FGF10: variants seen among roughly 807,000 people sequenced by gnomAD.
The protein encoded by FGF10 is FGF-10.
FGF10 carries 2 observed loss-of-function variants against 19.8 expected under a neutral mutation model. The ratio of observed to expected loss-of-function variants is 0.10; its 90% CI spans 0.04 to 0.32. FGF10 has a LOEUF of 0.32. Among genes scored for constraint, FGF10 ranks in the 10% least tolerant of loss-of-function variants. The probability of loss-of-function intolerance (pLI) is 1.00; values close to 1 mark genes in which losing one functional copy is unlikely to be tolerated. For missense variants in FGF10, 191 were observed against 246.3 expected (o/e 0.78, Z 1.50); for synonymous variants, 112 against 94.0 (o/e 1.19, Z -1.10).
chr5:44,377,705 A>C (rs1741896877), intron 1 of FGF10, among the ~76,000 whole-genome samples: 1 of 152,236 alleles, frequency 6.6e-6, no homozygotes. Flanking sequence ...GCTTGGGATC[A>C]GAAAGGTTTC....
At position 44,357,601 on chromosome 5, in the gene FGF10, A is replaced by G. The variant is rs1385550039; in HGVS notation, c.325+30757T>C. Among the ~76,000 whole-genome samples the G allele has an allele frequency of 2.6e-5, 4 of 151,414 alleles. No individual in the cohort carries two copies. In the East Asian group the frequency reaches 7.8e-4, roughly 29 times the overall value. On this transcript the variant is annotated intron_variant, in intron 1 of 2. Transcript: ENST00000264664. ...GCACATGAGGCTCAATAACTTGTCT[A>G]CGGTCACATACCTCTTAAGTGGTGA...
chr5:44,312,140 A>T (rs1048563469), intron 1 of FGF10, among the ~76,000 whole-genome samples: 6 of 151,896 alleles, frequency 4.0e-5, no homozygotes, highest in Non-Finnish European at 1.5e-5. Context: ...GATGAAGGAG[A>T]CATTATTTGT....
rs889816836 is a variant in FGF10 at position 44,388,814 on chromosome 5, C to T, written c.-132G>A. On this transcript the variant is annotated 5_prime_UTR_variant, in exon 1 of 3. Coordinates refer to ENST00000264664, the MANE Select transcript of FGF10 (RefSeq NM_004465.2). ...TAGCTCCCTCTGGGCGCGGATCTGGCCAGAAGTGAATGCACCAACATCCAT... is the reference window on the plus strand; with the variant it reads ...TAGCTCCCTCTGGGCGCGGATCTGGTCAGAAGTGAATGCACCAACATCCAT... The T allele has an allele frequency of 1.1e-6, 1 of 890,696 alleles. No individual in the cohort carries two copies. Among genetic ancestry groups the T allele is most frequent in the African/African-American group, 1.7e-5 (1 of 60,432 alleles). The allele number at this position is 890,696 out of a possible 1,614,324, so 55.2% of individuals were successfully genotyped here.
At chr5:44,358,668 T>A (rs1451881187) in intron 1 of FGF10, among the ~76,000 whole-genome samples, 1 of 151,376 alleles carries the variant, frequency 6.6e-6, no homozygotes, top group Non-Finnish European at 1.5e-5. Context: ...TCACCAATAA[T>A]CCACAGCCCA....
chr5:44,382,306 A>T (rs977760324), intron 1 of FGF10, among the ~76,000 whole-genome samples: 1 of 152,162 alleles, frequency 6.6e-6, no homozygotes, highest in Non-Finnish European at 1.5e-5. Context: ...GGGAGCCTTT[A>T]AGGTCATTAT....
rs1739975964 is a variant in FGF10 at position 44,302,066 on chromosome 5, A to G, written c.*2929T>C. ...TACTCCTACAGAGGCAGATCTCTCA[A>G]TAGCTCCAATTTTTTTTTTTTTCAA... On this transcript the variant is annotated 3_prime_UTR_variant, in exon 3 of 3. Coordinates refer to ENST00000264664, the MANE Select transcript of FGF10 (RefSeq NM_004465.2). Among the ~76,000 whole-genome samples, 1 of 151,546 alleles carries G rather than the reference A, an allele frequency of 6.6e-6. No homozygotes were observed. Among genetic ancestry groups the G allele is most frequent in the Admixed American group, 6.6e-5 (1 of 15,214 alleles).
intron 1 of FGF10, among the ~76,000 whole-genome samples, chr5:44,360,039 C>T (rs1177288101): frequency 1.3e-5 from 2 of 151,428 alleles, no homozygotes; most frequent in African/African-American, 4.8e-5. Context: ...TCAAATCATC[C>T]CCATCCTGAC....
At chr5:44,316,886 G>A (rs912443094) in intron 1 of FGF10, among the ~76,000 whole-genome samples, 1 of 152,126 alleles carries the variant, frequency 6.6e-6, no homozygotes, top group Admixed American at 6.6e-5. Context: ...AAACTTAAGT[G>A]CCTTCAACTA....
intron 1 of FGF10, among the ~76,000 whole-genome samples, chr5:44,313,119 T>C (rs1291769262): frequency 6.6e-6 from 1 of 152,084 alleles, no homozygotes; most frequent in Non-Finnish European, 1.5e-5. Context: ...TTAGTTATTG[T>C]TTCAAAATAG....
In FGF10 at chr5:44,388,893, C is replaced by G. The variant is rs1039114392; in HGVS notation, c.-211G>C. 2.5e-5 allele frequency: 16 copies of G among 633,500 alleles called. No homozygotes were observed. In the Admixed American group the frequency reaches 2.5e-4, roughly 10 times the overall value. 39.2% of individuals were successfully genotyped at this position (633,500 alleles called of 1,614,324 possible). ...CTCGCTCCTTTCTCGGATCCGCTGC[C>G]TACGCCTCTGGAGCCTCCCGGTAAA... On this transcript the variant is annotated 5_prime_UTR_variant, in exon 1 of 3. Coordinates refer to ENST00000264664, the MANE Select transcript of FGF10 (RefSeq NM_004465.2).
rs575245158 is a variant in FGF10 at position 44,357,596 on chromosome 5, T to C, written c.325+30762A>G. On this transcript the variant is annotated intron_variant, in intron 1 of 2. Coordinates refer to ENST00000264664, the MANE Select transcript of FGF10 (RefSeq NM_004465.2). ...AATAGGCACATGAGGCTCAATAACT[T>C]GTCTACGGTCACATACCTCTTAAGT... Among the ~76,000 whole-genome samples, 5 of 151,534 alleles carry C rather than the reference T, an allele frequency of 3.3e-5. No homozygotes were observed. In the South Asian group the frequency reaches 1.0e-3, roughly 31 times the overall value.
At chr5:44,315,312 C>T (rs960019204) in intron 1 of FGF10, among the ~76,000 whole-genome samples, 3 of 151,896 alleles carry the variant, frequency 2.0e-5, no homozygotes, top group African/African-American at 7.3e-5. Context: ...TTTTCAAGAG[C>T]AGGGTTTTAA....
intron 1 of FGF10, among the ~76,000 whole-genome samples, chr5:44,337,684 G>A (rs568683325): frequency 6.6e-6 from 1 of 152,186 alleles, no homozygotes; most frequent in African/African-American, 2.4e-5. Context: ...GCTCACGCCT[G>A]TAATCCCAGC....
At chr5:44,372,937 C>T (rs906692267) in intron 1 of FGF10, among the ~76,000 whole-genome samples, 15 of 152,218 alleles carry the variant, frequency 9.9e-5, no homozygotes, top group Non-Finnish European at 1.9e-4. Flanking sequence ...TCTGCACTTC[C>T]TTTGTACCCA....
chr5:44,316,397 C>G (rs1227396554), intron 1 of FGF10, among the ~76,000 whole-genome samples: 1 of 152,162 alleles, frequency 6.6e-6, no homozygotes, highest in Non-Finnish European at 1.5e-5. Flanking sequence ...AACCAACCTT[C>G]TATACCAATA....
At chr5:44,360,657 A>G (rs1579932006) in intron 1 of FGF10, among the ~76,000 whole-genome samples, 1 of 151,680 alleles carries the variant, frequency 6.6e-6, no homozygotes, top group Middle Eastern at 3.2e-3. Context: ...TTATCAGAAT[A>G]CTAGCTGTCT....
At chr5:44,363,152 T>C (rs532889209) in intron 1 of FGF10, among the ~76,000 whole-genome samples, 80 of 151,800 alleles carry the variant, frequency 5.3e-4, no homozygotes, top group Non-Finnish European at 9.6e-4. Flanking sequence ...TTGCATGTCA[T>C]TAAAAAGTTT....
At chr5:44,336,153 T>C (rs1318701832) in intron 1 of FGF10, among the ~76,000 whole-genome samples, 1 of 152,176 alleles carries the variant, frequency 6.6e-6, no homozygotes, top group East Asian at 1.9e-4. Context: ...TGGAGAGCTG[T>C]GCTTTTTATA....
In FGF10 at chr5:44,351,744, C is replaced by G. The variant is rs531883713; in HGVS notation, c.325+36614G>C. The stretch of plus-strand genomic sequence containing the variant: ...TTATTAGTTTGAACCCTATGAATTT[C>G]CATTCTTGCAGGATAAATTTGGAGA... On this transcript the variant is annotated intron_variant, in intron 1 of 2. Transcript: ENST00000264664. Among the ~76,000 whole-genome samples, 11 of 151,680 alleles carry G rather than the reference C, an allele frequency of 7.3e-5. No homozygotes were observed. In the South Asian group the frequency reaches 2.3e-3, roughly 32 times the overall value.
Sources: gnomAD v4.1 joint callset for allele counts (sites outside exome capture counted in the v4.1 genomes callset) on GRCh38, gnomAD v4.1.1 for gene constraint, MANE v1.5 for transcripts, NCBI Gene and HGNC (gene_info 2026-07-23, HGNC 2026-07-21) for gene names.